Variants in ANKRD36 observed in about 807,000 individuals in gnomAD.
ANKRD36 encodes ankyrin repeat domain 36.
Under a neutral mutation model 278.1 loss-of-function variants are expected in ANKRD36, and 179 were observed. The observed-to-expected ratio is 0.64, with a 90% CI of 0.57 to 0.73. The LOEUF is 0.73. Ranked by LOEUF, ANKRD36 falls within the 30% of genes least tolerant of loss-of-function variation. ANKRD36 has a pLI of 0.00. For missense variants in ANKRD36, 1,159 were observed against 1,956.7 expected (o/e 0.59, Z 7.69); for synonymous variants, 320 against 641.1 (o/e 0.50, Z 7.57).
intron 17 of ANKRD36, among the ~76,000 whole-genome samples, chr2:97,161,382 CT>C (rs2048837042): frequency 6.6e-6 from 1 of 151,910 alleles, no homozygotes; most frequent in Non-Finnish European, 1.5e-5. Flanking sequence ...TATTTTCTAC[CT>C]TTAAAATACC....
intron 16 of ANKRD36, 139 bp downstream of exon 16, chr2:97,158,306 C>T (rs6758519): frequency 0.02 from 20,314 of 997,696 alleles, 84 homozygotes; most frequent in African/African-American, 0.088. Context: ...TGGCTCACTG[C>T]AACTTCTACC....
In ANKRD36 at chr2:97,176,315, G is replaced by T. The variant is rs528311985; in HGVS notation, c.1634-3423G>T. ...TTATGAATCTGGGTGCTCCTGTATTGGGTGCATATATATTTAGGATAGTTA... is the reference window on the plus strand; with the variant it reads ...TTATGAATCTGGGTGCTCCTGTATTTGGTGCATATATATTTAGGATAGTTA... On this transcript the variant is annotated intron_variant, in intron 22 of 75. Coordinates refer to ENST00000420699, the MANE Select transcript of ANKRD36 (RefSeq NM_001354587.1). Among the ~76,000 whole-genome samples, 536 of 148,500 alleles carry T rather than the reference G, an allele frequency of 3.6e-3. 4 individuals are homozygous for T. The highest frequency in any genetic ancestry group is 0.012 in the African/African-American group (509 of 41,108).
chr2:97,206,680 T>G (rs1332011938), intron 52 of ANKRD36, among the ~76,000 whole-genome samples: 1 of 151,432 alleles, frequency 6.6e-6, no homozygotes, highest in Non-Finnish European at 1.5e-5. Context: ...TCACTTCAGA[T>G]GCATTTGGAA....
chr2:97,231,626 G>A (rs1480021256), intron 67 of ANKRD36, among the ~76,000 whole-genome samples: 1 of 152,096 alleles, frequency 6.6e-6, no homozygotes, highest in African/African-American at 2.4e-5. Flanking sequence ...GGTCACACAC[G>A]GTGCACTGCA....
intron 40 of ANKRD36, among the ~76,000 whole-genome samples, chr2:97,196,143 CT>C (rs2059695478): frequency 6.6e-6 from 1 of 151,946 alleles, no homozygotes; most frequent in Non-Finnish European, 1.5e-5. Flanking sequence ...TGTGTGCCTT[CT>C]CAGTTATTGG....
At chr2:97,211,791 A>T (rs10183746) in intron 58 of ANKRD36, 50 bp downstream of exon 58, 29,482 of 1,507,602 alleles carry the variant, frequency 0.02, 5 homozygotes, top group African/African-American at 0.17. Flanking sequence ...GTAGAAGAGA[A>T]CTTCTCTTCA....
intron 75 of ANKRD36, among the ~76,000 whole-genome samples, chr2:97,256,598 C>CT (rs1246886814): frequency 7.0e-6 from 1 of 143,542 alleles, no homozygotes; most frequent in Non-Finnish European, 1.5e-5. Context: ...TGGAATAGTC[C>CT]TTTTTCTAGT....
intron 30 of ANKRD36, 117 bp from the exon 31 acceptor site, chr2:97,187,081 A>C: frequency 6.6e-7 from 1 of 1,523,404 alleles, no homozygotes; most frequent in Non-Finnish European, 8.8e-7. Flanking sequence ...AGTAGAAAAC[A>C]TCAAAGCCTA....
intron 15 of ANKRD36, 55 bp from the exon 16 acceptor site, chr2:97,158,052 A>G: frequency 1.5e-6 from 2 of 1,330,274 alleles, no homozygotes; most frequent in East Asian, 2.6e-5. Context: ...AATGGTGGCA[A>G]TTATCATTAT....
intron 17 of ANKRD36, among the ~76,000 whole-genome samples, chr2:97,159,560 A>G (rs1437637279): frequency 6.6e-6 from 1 of 151,700 alleles, no homozygotes; most frequent in Non-Finnish European, 1.5e-5. Flanking sequence ...GTTTTAGGCT[A>G]TATCAGATTT....
chr2:97,209,701 G>T lies in ANKRD36; in HGVS notation c.3286G>T (p.Ala1096Ser), dbSNP rs191164173. 2.9e-4 allele frequency: 459 copies of T among 1,584,414 alleles called. 42 individuals are homozygous for T. In the East Asian group the frequency reaches 6.0e-3, roughly 21 times the overall value. The change falls in exon 55 of 76, where the codon GCC becomes TCC. Residue 1096 changes from alanine to serine, a missense_variant. Coordinates refer to ENST00000420699, the MANE Select transcript of ANKRD36 (RefSeq NM_001354587.1). ...TTCAGTGTCTTCTCGGAAAAAACCAGCCTTGAAGGTAATGAAACTCTCATT... is the reference window on the plus strand; with the variant it reads ...TTCAGTGTCTTCTCGGAAAAAACCATCCTTGAAGGTAATGAAACTCTCATT... ...TKRVSSRKKPALKATSDEKDS... is the reference protein window; with the variant it reads ...TKRVSSRKKPSLKATSDEKDS...
chr2:97,218,664 C>T (rs531731154), intron 64 of ANKRD36, among the ~76,000 whole-genome samples: 6 of 152,218 alleles, frequency 3.9e-5, no homozygotes, highest in African/African-American at 1.4e-4. Flanking sequence ...ATAAAGCCTT[C>T]TGATGTCTTG....
rs769743696 is a variant in ANKRD36 at position 97,162,217 on chromosome 2, G to T, written c.1429+79G>T. On this transcript the variant is annotated intron_variant, in intron 18 of 75. Coordinates refer to ENST00000420699, the MANE Select transcript of ANKRD36 (RefSeq NM_001354587.1). Reference sequence around the variant, plus strand: ...ATTTTTTGTGTACAAAGAAACAAAGGTGGTGAGGTAGTGAATATAGCTGAA... The same window carrying T: ...ATTTTTTGTGTACAAAGAAACAAAGTTGGTGAGGTAGTGAATATAGCTGAA... 4 of 778,744 alleles carry T rather than the reference G, an allele frequency of 5.1e-6. No homozygotes were observed. The East Asian group carries it at 1.0e-4, about 20-fold the overall frequency. The allele number at this position is 778,744 out of a possible 1,614,324, so 48.2% of individuals were successfully genotyped here. A position where few individuals can be genotyped will look rare whatever the true frequency, so the allele number is the denominator to read the frequency against.
intron 10 of ANKRD36, among the ~76,000 whole-genome samples, chr2:97,146,218 C>G (rs988485935): frequency 6.6e-6 from 1 of 151,646 alleles, no homozygotes; most frequent in Non-Finnish European, 1.5e-5. Context: ...CCACCCACCT[C>G]AGCCTCACAA....
chr2:97,142,581 G>A (rs377477830), intron 6 of ANKRD36, 59 bp from the exon 7 acceptor site: 94 of 1,602,956 alleles, frequency 5.9e-5, no homozygotes, highest in South Asian at 3.2e-4. Flanking sequence ...GTGCATGAAT[G>A]TATGGATAAT....
At chr2:97,196,455 C>G (rs918205555) in intron 40 of ANKRD36, 138 bp from the exon 41 acceptor site, 3 of 1,492,310 alleles carry the variant, frequency 2.0e-6, no homozygotes, top group African/African-American at 2.8e-5. Flanking sequence ...GTTCTAGTCC[C>G]CAGACACAAA....
At chr2:97,232,840 A>C (rs1239151854) in intron 67 of ANKRD36, among the ~76,000 whole-genome samples, 1 of 152,048 alleles carries the variant, frequency 6.6e-6, no homozygotes, top group Non-Finnish European at 1.5e-5. Context: ...GAAACCCAGA[A>C]GTAGTTATGG....
intron 6 of ANKRD36, among the ~76,000 whole-genome samples, chr2:97,141,571 A>G (rs1040177164): frequency 4.4e-5 from 6 of 135,938 alleles, no homozygotes; most frequent in African/African-American, 1.7e-4. Flanking sequence ...GCAGAAGGAA[A>G]GAGTACTAGA....
chr2:97,218,090 C>G (rs552820930), intron 64 of ANKRD36, among the ~76,000 whole-genome samples: 191 of 151,856 alleles, frequency 1.3e-3, no homozygotes, highest in African/African-American at 4.4e-3. Flanking sequence ...ATTAGTTATT[C>G]AAATGAGTTG....
Sources: allele counts gnomAD v4.1 joint callset (sites outside exome capture counted in the v4.1 genomes callset), GRCh38; gene constraint gnomAD v4.1.1; transcripts MANE v1.5; gene names NCBI Gene and HGNC (gene_info 2026-07-23, HGNC 2026-07-21).